The following QKI variants were observed in gnomAD, a reference collection of about 807,000 sequenced individuals.
QKI encodes the protein QKI, KH domain containing RNA binding.
In QKI, 10 loss-of-function variants were observed where a neutral mutation model predicts 39.0. That is an observed-to-expected ratio of 0.26 (90% confidence interval 0.16 to 0.43). QKI has a LOEUF of 0.43. QKI is among the 20% of genes least tolerant of loss of function. The pLI is 1.00. For missense variants in QKI, 218 were observed against 428.0 expected (o/e 0.51, Z 4.33); for synonymous variants, 204 against 155.4 (o/e 1.31, Z -2.33).
At chr6:163,428,747 C>CT (rs11438124) in intron 1 of QKI, among the ~76,000 whole-genome samples, 108,169 of 147,190 alleles carry the variant, frequency 0.73, 39,900 homozygotes, top group East Asian at 0.97. Flanking sequence ...TTATATTGAG[C>CT]TTTTTTTTTT....
chr6:163,505,873 G>T (rs1004354342), intron 3 of QKI, among the ~76,000 whole-genome samples: 13 of 152,206 alleles, frequency 8.5e-5, no homozygotes, highest in African/African-American at 2.9e-4. Context: ...GTCAGGGGCG[G>T]AATTACATGG....
At chr6:163,438,920 A>C (rs1392646494) in intron 1 of QKI, among the ~76,000 whole-genome samples, 1 of 152,236 alleles carries the variant, frequency 6.6e-6, no homozygotes, top group African/African-American at 2.4e-5. Flanking sequence ...TTACAGTTTA[A>C]AATACAAATA....
chr6:163,512,778 A>G (rs1779561399), intron 3 of QKI, among the ~76,000 whole-genome samples: 1 of 152,152 alleles, frequency 6.6e-6, no homozygotes, highest in Non-Finnish European at 1.5e-5. Flanking sequence ...AGACATCTGA[A>G]ATTATTCACA....
intron 4 of QKI, among the ~76,000 whole-genome samples, chr6:163,547,485 G>C (rs1259190466): frequency 1.3e-5 from 2 of 152,166 alleles, no homozygotes; most frequent in Non-Finnish European, 1.5e-5. Context: ...CTGCAGTGCT[G>C]ATTGTTTTTC....
intron 1 of QKI, among the ~76,000 whole-genome samples, chr6:163,440,225 A>G (rs531229579): frequency 6.6e-6 from 1 of 152,148 alleles, no homozygotes; most frequent in Non-Finnish European, 1.5e-5. Flanking sequence ...CAGCAACCAA[A>G]TTTAACTTTG....
intron 2 of QKI, 83 bp from the exon 3 acceptor site, chr6:163,478,697 A>G: frequency 1.2e-6 from 1 of 861,032 alleles, no homozygotes; most frequent in Non-Finnish European, 1.8e-6. Context: ...TTCAGTAAGT[A>G]AATGTAGATA....
At chr6:163,497,773 A>G (rs966427473) in intron 3 of QKI, among the ~76,000 whole-genome samples, 1 of 151,654 alleles carries the variant, frequency 6.6e-6, no homozygotes, top group Non-Finnish European at 1.5e-5. Flanking sequence ...AGTTTTAGCT[A>G]TATTTATTGT....
chr6:163,456,375 T>A (rs1000662422), intron 2 of QKI, among the ~76,000 whole-genome samples: 1 of 152,198 alleles, frequency 6.6e-6, no homozygotes, highest in East Asian at 1.9e-4. Context: ...TTCACTGCTG[T>A]ATCCCTCATA....
chr6:163,443,566 T>TAACAAC (rs3884381), intron 1 of QKI, among the ~76,000 whole-genome samples: 12 of 151,978 alleles, frequency 7.9e-5, no homozygotes, highest in Admixed American at 2.6e-4. Context: ...CTCAAAACAA[T>TAACAAC]AACAACAACA....
intron 3 of QKI, among the ~76,000 whole-genome samples, chr6:163,515,625 A>T (rs947432115): frequency 7.2e-5 from 11 of 152,148 alleles, no homozygotes; most frequent in African/African-American, 2.7e-4. Flanking sequence ...GTTTGAAATT[A>T]TTCTGTATAT....
intron 1 of QKI, among the ~76,000 whole-genome samples, chr6:163,429,634 A>G (rs1303834708): frequency 6.6e-6 from 1 of 152,166 alleles, no homozygotes; most frequent in African/African-American, 2.4e-5. Context: ...ATGAATACCA[A>G]ACTCTTATTT....
chr6:163,565,400 A>G (rs1783301977), intron 6 of QKI: 1 of 985,912 alleles, frequency 1.0e-6, no homozygotes, highest in African/African-American at 1.7e-5. Flanking sequence ...GATCTCCCTG[A>G]TTTTGCCACG....
At chr6:163,565,529 C>T (rs1783309767) in intron 6 of QKI, 1 of 989,718 alleles carries the variant, frequency 1.0e-6, no homozygotes, top group East Asian at 1.1e-4. Context: ...TGTAAAGCTT[C>T]ATGTCTTTTG....
chr6:163,529,093 G>A (rs966103986), intron 3 of QKI, among the ~76,000 whole-genome samples: 1 of 152,124 alleles, frequency 6.6e-6, no homozygotes, highest in African/African-American at 2.4e-5. Context: ...GACCTCATAA[G>A]AGTTATTGTA....
chr6:163,438,904 C>G (rs1789515448), intron 1 of QKI, among the ~76,000 whole-genome samples: 1 of 152,110 alleles, frequency 6.6e-6, no homozygotes, highest in African/African-American at 2.4e-5. Flanking sequence ...AAACCTTTGA[C>G]TACAATTACA....
intron 3 of QKI, among the ~76,000 whole-genome samples, chr6:163,525,098 T>C (rs1389041210): frequency 6.6e-6 from 1 of 150,440 alleles, no homozygotes; most frequent in Non-Finnish European, 1.5e-5. Flanking sequence ...TTATTAACAA[T>C]TGTTTTGTTT....
At chr6:163,462,399 C>G (rs569725083) in intron 2 of QKI, among the ~76,000 whole-genome samples, 1 of 152,270 alleles carries the variant, frequency 6.6e-6, no homozygotes, top group South Asian at 2.1e-4. Context: ...CAATAAGCAG[C>G]CTGTCTATCA....
chr6:163,510,267 C>G (rs2128234845), intron 3 of QKI, among the ~76,000 whole-genome samples: 1 of 130,346 alleles, frequency 7.7e-6, no homozygotes, highest in South Asian at 2.4e-4. Context: ...AATAAGTAAA[C>G]TAAAAAGCAA....
Position 163,566,941 on chromosome 6 carries a change from A to G in QKI, c.1009+146A>G, listed in dbSNP as rs1783399669. ...TAAATTTGTTTGTGATCATTGACAG[A>G]TTTAAGGGTTGGGTTTTTTGTTTTG... On this transcript the variant is annotated intron_variant, in intron 7 of 7. Coordinates refer to ENST00000361752, the MANE Select transcript of QKI (RefSeq NM_006775.3). 5.6e-6 allele frequency: 8 copies of G among 1,420,188 alleles called. No homozygotes were observed. The Middle Eastern group carries it at 6.2e-4, about 111-fold the overall frequency. 88.0% of individuals were successfully genotyped at this position (1,420,188 alleles called of 1,614,324 possible).
Sources: gnomAD v4.1 joint callset for allele counts (sites outside exome capture counted in the v4.1 genomes callset) on GRCh38, gnomAD v4.1.1 for gene constraint, MANE v1.5 for transcripts, NCBI Gene and HGNC (gene_info 2026-07-23, HGNC 2026-07-21) for gene names.